NUBPL: variants seen among roughly 807,000 people sequenced by gnomAD.
NUBPL encodes iron-sulfur cluster transfer protein NUBPL.
In NUBPL, 31 loss-of-function variants were observed where a neutral mutation model predicts 45.7. The ratio of observed to expected loss-of-function variants is 0.68; its 90% CI spans 0.51 to 0.92. The LOEUF is 0.92. Ranked by LOEUF, NUBPL falls within the 40% of genes least tolerant of loss-of-function variation. NUBPL has a pLI of 0.00. For synonymous variants in NUBPL, 144 were observed against 140.9 expected, an observed-to-expected ratio of 1.02 and a Z score of -0.15; for missense variants, 401 against 398.7, an observed-to-expected ratio of 1.01 and a Z score of -0.05.
chr14:31,677,061 T>C (rs951678701), intron 6 of NUBPL, among the ~76,000 whole-genome samples: 3 of 152,102 alleles, frequency 2.0e-5, no homozygotes, highest in African/African-American at 7.2e-5. Context: ...TATGGGTATA[T>C]AGTAGATTAG....
At chr14:31,812,379 C>A (rs979817272) in intron 7 of NUBPL, among the ~76,000 whole-genome samples, 1 of 152,190 alleles carries the variant, frequency 6.6e-6, no homozygotes, top group African/African-American at 2.4e-5. Flanking sequence ...AGGCTTGCCT[C>A]CTTGCAGTTG....
intron 4 of NUBPL, among the ~76,000 whole-genome samples, chr14:31,647,392 T>C (rs1192141580): frequency 2.6e-5 from 4 of 152,248 alleles, no homozygotes; most frequent in African/African-American, 9.6e-5. Flanking sequence ...TTTTTCTTGT[T>C]AGGTTGCTGC....
intron 6 of NUBPL, chr14:31,714,501 A>G (rs562712601): frequency 6.1e-4 from 99 of 161,544 alleles, no homozygotes; most frequent in African/African-American, 2.3e-3. Flanking sequence ...GTGGAAGGCA[A>G]AGGTGGGGAG....
chr14:31,801,757 C>T (rs1466953182), intron 7 of NUBPL, among the ~76,000 whole-genome samples: 2 of 152,130 alleles, frequency 1.3e-5, no homozygotes, highest in African/African-American at 4.8e-5. Context: ...GGGACAAAGA[C>T]TGAGCAACTG....
At chr14:31,612,299 A>T (rs2034780175) in intron 4 of NUBPL, among the ~76,000 whole-genome samples, 1 of 152,272 alleles carries the variant, frequency 6.6e-6, no homozygotes, top group Non-Finnish European at 1.5e-5. Context: ...ATAATCTGAT[A>T]AAAAATGGAC....
At chr14:31,640,122 G>C (rs1184721693) in intron 4 of NUBPL, among the ~76,000 whole-genome samples, 2 of 152,280 alleles carry the variant, frequency 1.3e-5, no homozygotes, top group South Asian at 4.1e-4. Flanking sequence ...GCACTCCCTA[G>C]TGAGATGAAC....
intron 10 of NUBPL, among the ~76,000 whole-genome samples, chr14:31,851,936 A>T (rs753659366): frequency 5.3e-5 from 8 of 152,186 alleles, no homozygotes; most frequent in Admixed American, 6.5e-5. Flanking sequence ...GAAACATTTC[A>T]TTGAAGTTAG....
chr14:31,622,978 C>T (rs1049365260), intron 4 of NUBPL, among the ~76,000 whole-genome samples: 51 of 152,210 alleles, frequency 3.4e-4, no homozygotes, highest in African/African-American at 9.9e-4. Context: ...TTGGGAAAGC[C>T]GTAGTCACTC....
chr14:31,854,226 G>A (rs10151379), intron 10 of NUBPL, among the ~76,000 whole-genome samples: 24,868 of 152,052 alleles, frequency 0.16, 6,030 homozygotes, highest in African/African-American at 0.53. Context: ...ATGGCATAGC[G>A]GACAGTAGGG....
chr14:31,850,283 GT>G, intron 10 of NUBPL, 82 bp downstream of exon 10: 1 of 1,066,874 alleles, frequency 9.4e-7, no homozygotes, highest in Non-Finnish European at 1.4e-6. Flanking sequence ...AAGATTAAGC[GT>G]TTATATTTGC....
At chr14:31,846,427 A>G in intron 8 of NUBPL, 44 bp from the exon 9 acceptor site, 2 of 1,525,048 alleles carry the variant, frequency 1.3e-6, no homozygotes, top group South Asian at 2.3e-5. Flanking sequence ...ATGTATTAAT[A>G]TTTGGTTTAA....
Position 31,688,744 on chromosome 14 carries a change from ACAGATTATTT to A in NUBPL, c.513+15173_513+15182del, listed in dbSNP as rs545845370. Among the ~76,000 whole-genome samples, 35 of 145,940 alleles carry A rather than the reference ACAGATTATTT, an allele frequency of 2.4e-4. No individual in the cohort carries two copies. The East Asian group carries it at 6.4e-3, about 27-fold the overall frequency. Reference sequence around the variant, plus strand: ...AACTCATTTCAGGGGGGTTTGTTGTACAGATTATTTCATCACCCAGGTACTAAGCCTAGTA... The same window carrying A: ...AACTCATTTCAGGGGGGTTTGTTGTACATCACCCAGGTACTAAGCCTAGTA... On this transcript the variant is annotated intron_variant, in intron 6 of 10. Coordinates refer to ENST00000281081, the MANE Select transcript of NUBPL (RefSeq NM_025152.3).
At chr14:31,742,277 C>CACACACACAT (rs998724714) in intron 6 of NUBPL, among the ~76,000 whole-genome samples, 7 of 149,264 alleles carry the variant, frequency 4.7e-5, no homozygotes, top group African/African-American at 1.5e-4. Flanking sequence ...CACACACACA[C>CACACACACAT]ACATCTTCCT....
At chr14:31,610,620 A>AAAG (rs1555317251) in intron 4 of NUBPL, among the ~76,000 whole-genome samples, 1 of 150,300 alleles carries the variant, frequency 6.7e-6, no homozygotes, top group African/African-American at 2.4e-5. Flanking sequence ...AAAAAAAAAA[A>AAAG]AAAAAAAAAA....
At chr14:31,800,170 T>C (rs977293875) in intron 7 of NUBPL, among the ~76,000 whole-genome samples, 1 of 152,204 alleles carries the variant, frequency 6.6e-6, no homozygotes, top group Admixed American at 6.5e-5. Flanking sequence ...CTAATAATTC[T>C]CTTGCTGTTT....
intron 7 of NUBPL, among the ~76,000 whole-genome samples, chr14:31,817,388 AG>A: frequency 6.6e-6 from 1 of 152,274 alleles, no homozygotes; most frequent in Middle Eastern, 3.4e-3. Flanking sequence ...AGATTCACCA[AG>A]GTTGAAATGA....
chr14:31,706,049 G>A (rs939189443), intron 6 of NUBPL, among the ~76,000 whole-genome samples: 12 of 152,178 alleles, frequency 7.9e-5, no homozygotes, highest in Non-Finnish European at 1.3e-4. Flanking sequence ...CCCCCATAGC[G>A]CATCGGCAGG....
At chr14:31,804,746 A>G (rs1032010448) in intron 7 of NUBPL, among the ~76,000 whole-genome samples, 2 of 152,200 alleles carry the variant, frequency 1.3e-5, no homozygotes, top group African/African-American at 4.8e-5. Context: ...CAGAAGATTG[A>G]AGCTGGAACC....
At chr14:31,744,027 T>C (rs933615043) in intron 6 of NUBPL, among the ~76,000 whole-genome samples, 1 of 152,096 alleles carries the variant, frequency 6.6e-6, no homozygotes, top group African/African-American at 2.4e-5. Flanking sequence ...AAGAAAGTGT[T>C]AGTTATTTAT....
Sources: gnomAD v4.1 joint callset for allele counts (sites outside exome capture counted in the v4.1 genomes callset) on GRCh38, gnomAD v4.1.1 for gene constraint, MANE v1.5 for transcripts, NCBI Gene and HGNC (gene_info 2026-07-23, HGNC 2026-07-21) for gene names.